TMEM87A: variants seen among roughly 807,000 people sequenced by gnomAD.
The protein encoded by TMEM87A is transmembrane protein 87A.
In TMEM87A, 50 loss-of-function variants were observed where a neutral mutation model predicts 90.0. The observed-to-expected ratio is 0.56, with a 90% CI of 0.44 to 0.70. The LOEUF is 0.70. Ranked by LOEUF, TMEM87A falls within the 30% of genes least tolerant of loss-of-function variation. TMEM87A has a pLI of 0.00. For synonymous variants in TMEM87A, 226 were observed against 226.7 expected (o/e 1.00, Z 0.03); for missense variants, 577 against 660.5 (o/e 0.87, Z 1.39).
chr15:42,244,151 A>T lies in TMEM87A; in HGVS notation c.521T>A (p.Leu174Ter). Residue 174 changes from leucine to a stop codon, truncating the protein, a stop_gained, in exon 7 of 20, where the codon TTG becomes TAG. Transcript: ENST00000389834. LOFTEE classifies it high-confidence loss of function. ...IGDKTAMHEP[L>*]QTWQDAPYIF... ...GTATGGTGCATCTTGCCAAGTTTGC[A>T]ATGGTTCATGCATTGCCTAGAAAGG... 1 of 1,569,160 alleles carries T rather than the reference A, an allele frequency of 6.4e-7. No homozygotes were observed. The highest frequency in any genetic ancestry group is 8.6e-7 in the Non-Finnish European group (1 of 1,165,236).
At chr15:42,273,566 G>T (rs1050848791), upstream of TMEM87A, 4 of 1,244,904 alleles carry the variant, frequency 3.2e-6, no homozygotes, top group Admixed American at 2.6e-5. Flanking sequence ...TCTGTGCGCC[G>T]TGAGACTTTG....
intron 5 of TMEM87A, 94 bp from the exon 6 acceptor site, chr15:42,261,096 G>T (rs1484008087): frequency 1.3e-5 from 20 of 1,537,520 alleles, no homozygotes; most frequent in Non-Finnish European, 1.8e-5. Flanking sequence ...CTGCTCCCCA[G>T]GTGCAGCACT....
intron 1 of TMEM87A, chr15:42,272,679 A>G: frequency 3.1e-6 from 1 of 320,008 alleles, no homozygotes; most frequent in South Asian, 2.6e-5. Flanking sequence ...GCCTTACCAC[A>G]TTAAATTTTA....
At chr15:42,242,210 C>A (rs2050885113) in intron 7 of TMEM87A, among the ~76,000 whole-genome samples, 1 of 152,032 alleles carries the variant, frequency 6.6e-6, no homozygotes, top group East Asian at 1.9e-4. Flanking sequence ...GGCTCTTGGG[C>A]CAGAAGCAGG....
chr15:42,219,199 G>GT (rs774257284), intron 17 of TMEM87A, among the ~76,000 whole-genome samples: 1 of 152,180 alleles, frequency 6.6e-6, no homozygotes, highest in Non-Finnish European at 1.5e-5. Flanking sequence ...TTGGCCATTT[G>GT]TAGGTGTTAT....
intron 15 of TMEM87A, among the ~76,000 whole-genome samples, chr15:42,221,297 C>G (rs12898891): frequency 3.1e-4 from 44 of 143,322 alleles, no homozygotes; most frequent in African/African-American, 1.0e-3. Context: ...GAGAGAGAGA[C>G]AGAGAGAGAG....
intron 12 of TMEM87A, 81 bp downstream of exon 12, chr15:42,231,111 A>T: frequency 7.4e-7 from 1 of 1,342,412 alleles, no homozygotes; most frequent in Admixed American, 2.3e-5. Flanking sequence ...ACTGATAAAA[A>T]CTCTTTGCAG....
At chr15:42,251,151 T>C (rs1179699126) in intron 6 of TMEM87A, among the ~76,000 whole-genome samples, 3 of 152,196 alleles carry the variant, frequency 2.0e-5, no homozygotes, top group Non-Finnish European at 2.9e-5. Context: ...TACTCTTTTT[T>C]CAAGGTTTTT....
At chr15:42,251,785 TCAGA>T (rs2051091370) in intron 6 of TMEM87A, among the ~76,000 whole-genome samples, 2 of 152,238 alleles carry the variant, frequency 1.3e-5, no homozygotes, top group African/African-American at 4.8e-5. Context: ...TTCAGAGCTG[TCAGA>T]CAGGGACGTT....
chr15:42,218,412 T>G (rs755715849), intron 17 of TMEM87A, 34 bp from the exon 18 acceptor site: 3 of 1,604,292 alleles, frequency 1.9e-6, no homozygotes, highest in Non-Finnish European at 2.6e-6. Context: ...ATTACTAAAA[T>G]GCACCACATA....
At chr15:42,252,030 C>T (rs542209486) in intron 6 of TMEM87A, among the ~76,000 whole-genome samples, 3 of 152,228 alleles carry the variant, frequency 2.0e-5, no homozygotes, top group Admixed American at 6.5e-5. Context: ...AGCAAGGCTC[C>T]GTGGGCGTGG....
At chr15:42,243,309 TAAATAAAA>T (rs755533736) in intron 7 of TMEM87A, among the ~76,000 whole-genome samples, 11,049 of 38,242 alleles carry the variant, frequency 0.29, 508 homozygotes, top group Non-Finnish European at 0.48. Context: ...AATAAATAAA[TAAATAAAA>T]AAAAAGAAAG....
chr15:42,269,620 T>C (rs1263770551), intron 2 of TMEM87A, among the ~76,000 whole-genome samples: 1 of 152,182 alleles, frequency 6.6e-6, no homozygotes, highest in East Asian at 1.9e-4. Flanking sequence ...AGACAATATT[T>C]AGAACTTTAA....
chr15:42,247,056 AT>A (rs141615689), intron 6 of TMEM87A, among the ~76,000 whole-genome samples: 144,403 of 152,198 alleles, frequency 0.95, 68,923 homozygotes, highest in Non-Finnish European at 1. Flanking sequence ...GATGATGAGC[AT>A]TTTTTTCATG....
chr15:42,241,751 G>C (rs2050873344), intron 7 of TMEM87A, among the ~76,000 whole-genome samples: 1 of 152,134 alleles, frequency 6.6e-6, no homozygotes. Context: ...ACATTGCGAG[G>C]CCAAGGCGGG....
chr15:42,270,488 C>A (rs1200828815), intron 2 of TMEM87A, among the ~76,000 whole-genome samples: 1 of 152,072 alleles, frequency 6.6e-6, no homozygotes, highest in African/African-American at 2.4e-5. Context: ...CCCAGCTACT[C>A]GGGAGGCTGA....
At chr15:42,267,820 A>C in intron 3 of TMEM87A, 127 bp downstream of exon 3, 34 of 554,010 alleles carry the variant, frequency 6.1e-5, no homozygotes, top group Non-Finnish European at 8.6e-5. Flanking sequence ...CAAATTGGGA[A>C]GCATGCATTC....
At chr15:42,258,428 C>CT in intron 6 of TMEM87A, 1 of 672,418 alleles carries the variant, frequency 1.5e-6, no homozygotes, top group South Asian at 6.7e-5. Flanking sequence ...CAATGAATAT[C>CT]TTTTTTCTTT....
At chr15:42,265,559 T>A (rs2051386420) in intron 3 of TMEM87A, among the ~76,000 whole-genome samples, 1 of 152,204 alleles carries the variant, frequency 6.6e-6, no homozygotes. Context: ...GGTTGTTTTT[T>A]GCATATAAAT....
Sources: gnomAD v4.1 joint callset for allele counts (sites outside exome capture counted in the v4.1 genomes callset) on GRCh38, gnomAD v4.1.1 for gene constraint, MANE v1.5 for transcripts, NCBI Gene and HGNC (gene_info 2026-07-23, HGNC 2026-07-21) for gene names.